Variants in RASAL2 observed in about 807,000 individuals in gnomAD.
RASAL2 encodes the protein ras GTPase-activating protein nGAP.
Under a neutral mutation model 128.9 loss-of-function variants are expected in RASAL2, and 58 were observed. The observed-to-expected ratio is 0.45, with a 90% CI of 0.36 to 0.56. RASAL2 has a LOEUF of 0.56. RASAL2 is among the 20% of genes least tolerant of loss of function. RASAL2 has a pLI of 0.00. For synonymous variants in RASAL2, 561 were observed against 580.8 expected (o/e 0.97, Z 0.49); for missense variants, 1,360 against 1,601.6 (o/e 0.85, Z 2.57).
chr1:178,095,013 G>T (rs966467259), intron 1 of RASAL2, among the ~76,000 whole-genome samples: 1 of 152,118 alleles, frequency 6.6e-6, no homozygotes, highest in Non-Finnish European at 1.5e-5. Context: ...AGGTATGATG[G>T]AAAAACTCCA....
Position 178,096,503 on chromosome 1 carries a change from T to A in RASAL2, c.202+1809T>A, listed in dbSNP as rs74128842. On this transcript the variant is annotated intron_variant, in intron 1 of 17. Coordinates refer to ENST00000367649, the MANE Select transcript of RASAL2 (RefSeq NM_170692.4). ...GTGTGTGTGTAAGAGAGAGAGAGAG[T>A]GAGAGCAAGTTTACATTATGTTTTT... Among the ~76,000 whole-genome samples, 390 of 150,182 alleles carry A rather than the reference T, an allele frequency of 2.6e-3. 4 individuals are homozygous for A. Among genetic ancestry groups the A allele is most frequent in the African/African-American group, 9.2e-3 (377 of 40,970 alleles).
chr1:178,408,764 C>T (rs922485742), intron 4 of RASAL2, among the ~76,000 whole-genome samples: 1 of 151,770 alleles, frequency 6.6e-6, no homozygotes, highest in Non-Finnish European at 1.5e-5. Context: ...TGTTATAGTA[C>T]TTAAAGTATT....
chr1:178,300,735 A>G (rs57371305), intron 3 of RASAL2, among the ~76,000 whole-genome samples: 5,947 of 152,326 alleles, frequency 0.039, 368 homozygotes, highest in African/African-American at 0.13. Flanking sequence ...CTCTTCTCCC[A>G]TTCCCTACCA....
At chr1:178,207,285 C>T (rs1663085030) in intron 1 of RASAL2, among the ~76,000 whole-genome samples, 2 of 151,852 alleles carry the variant, frequency 1.3e-5, no homozygotes, top group Admixed American at 6.6e-5. Context: ...AAAATAAATA[C>T]AGTTTGTCCT....
intron 1 of RASAL2, among the ~76,000 whole-genome samples, chr1:178,208,387 G>A (rs761967803): frequency 1.8e-4 from 27 of 152,182 alleles, no homozygotes; most frequent in African/African-American, 2.4e-4. Context: ...ATAAACAGCC[G>A]CTCTGGGAGT....
chr1:178,349,970 G>A (rs2175254), intron 3 of RASAL2, among the ~76,000 whole-genome samples: 12,039 of 152,128 alleles, frequency 0.079, 550 homozygotes, highest in Middle Eastern at 0.14. Context: ...GAACATGCCC[G>A]TCTTATCTTC....
Position 178,442,866 on chromosome 1 carries a change from T to C in RASAL2, c.1119T>C (p.His373=). The change falls in exon 8 of 18, where the codon CAT becomes CAC. Residue 373 remains histidine (H), a synonymous_variant. Coordinates refer to ENST00000367649, the MANE Select transcript of RASAL2 (RefSeq NM_170692.4). ...HFEFFSLPPL[H]SITVHIYKDV... ...AATTCTTCAGCCTTCCACCTCTTCA[T>C]AGTATCACAGTTCACATTTACAAGG... is the stretch of plus-strand genomic sequence containing the variant. The C allele has an allele frequency of 6.2e-7, 1 of 1,613,820 alleles. No individual in the cohort carries two copies. Among genetic ancestry groups the C allele is most frequent in the Non-Finnish European group, 8.5e-7 (1 of 1,179,928 alleles).
intron 1 of RASAL2, among the ~76,000 whole-genome samples, chr1:178,211,749 T>G (rs73033413): frequency 0.049 from 7,460 of 152,266 alleles, 264 homozygotes; most frequent in African/African-American, 0.1. Context: ...TACTCTCCCT[T>G]TCTCTCATTC....
At chr1:178,313,390 G>T (rs1668352663) in intron 3 of RASAL2, among the ~76,000 whole-genome samples, 1 of 152,118 alleles carries the variant, frequency 6.6e-6, no homozygotes, top group African/African-American at 2.4e-5. Flanking sequence ...AGGTAAAAGT[G>T]GTTGCTTCTG....
At chr1:178,457,221 G>A (rs563214047) in intron 13 of RASAL2, among the ~76,000 whole-genome samples, 11 of 152,284 alleles carry the variant, frequency 7.2e-5, no homozygotes, top group African/African-American at 2.4e-4. Context: ...GGAGAACCTC[G>A]GTTAAAACCA....
chr1:178,211,418 G>T (rs1371364073), intron 1 of RASAL2, among the ~76,000 whole-genome samples: 2 of 152,010 alleles, frequency 1.3e-5, no homozygotes, highest in Non-Finnish European at 2.9e-5. Flanking sequence ...CACATTACTA[G>T]CTTATTTAAA....
intron 14 of RASAL2, among the ~76,000 whole-genome samples, chr1:178,460,751 C>CT (rs556077070): frequency 4.7e-4 from 70 of 149,624 alleles, no homozygotes; most frequent in Non-Finnish European, 8.3e-4. Context: ...GCTCAAGTTT[C>CT]TTTTTTTTTT....
intron 1 of RASAL2, among the ~76,000 whole-genome samples, chr1:178,204,492 T>A (rs1662976673): frequency 6.6e-6 from 1 of 152,236 alleles, no homozygotes; most frequent in Admixed American, 6.5e-5. Context: ...ATACATAGTA[T>A]GCCATACCCT....
chr1:178,344,854 G>A (rs1312102011), intron 3 of RASAL2, among the ~76,000 whole-genome samples: 15 of 152,172 alleles, frequency 9.9e-5, no homozygotes. Context: ...TCATGACTCA[G>A]CGATATGAAT....
At chr1:178,461,392 T>C (rs1229009850) in intron 14 of RASAL2, among the ~76,000 whole-genome samples, 1 of 152,226 alleles carries the variant, frequency 6.6e-6, no homozygotes, top group African/African-American at 2.4e-5. Context: ...GGCTTCAGTC[T>C]TCTACGTCTA....
At chr1:178,420,751 G>T in intron 5 of RASAL2, 131 bp downstream of exon 5, 1 of 644,222 alleles carries the variant, frequency 1.6e-6, no homozygotes. Context: ...TTTATGTCGT[G>T]TTCATATTAA....
At chr1:178,210,952 T>C (rs560769239) in intron 1 of RASAL2, among the ~76,000 whole-genome samples, 2 of 152,288 alleles carry the variant, frequency 1.3e-5, no homozygotes, top group Non-Finnish European at 2.9e-5. Context: ...CATTTACTTA[T>C]GGTTAACCTG....
intron 15 of RASAL2, among the ~76,000 whole-genome samples, chr1:178,465,480 T>C (rs563350058): frequency 6.6e-6 from 1 of 152,334 alleles, no homozygotes; most frequent in South Asian, 2.1e-4. Context: ...AGAATCTTTT[T>C]CTCTTATAGA....
chr1:178,127,096 G>A (rs1558068150), intron 1 of RASAL2, among the ~76,000 whole-genome samples: 1 of 152,188 alleles, frequency 6.6e-6, no homozygotes, highest in Non-Finnish European at 1.5e-5. Context: ...TGTAGGTTGA[G>A]TTGACTCAAC....
Sources: gnomAD v4.1 joint callset for allele counts (sites outside exome capture counted in the v4.1 genomes callset) on GRCh38, gnomAD v4.1.1 for gene constraint, MANE v1.5 for transcripts, NCBI Gene and HGNC (gene_info 2026-07-23, HGNC 2026-07-21) for gene names.